The following AOPEP variants were observed in gnomAD, a reference collection of about 807,000 sequenced individuals.
AOPEP encodes the protein aminopeptidase O.
A neutral mutation model predicts 98.1 loss-of-function variants in AOPEP; 77 were observed. The ratio of observed to expected loss-of-function variants is 0.78; its 90% CI spans 0.65 to 0.95. AOPEP has a LOEUF of 0.95. AOPEP is among the 40% of genes least tolerant of loss of function. The pLI is 0.00. For synonymous variants in AOPEP, 346 were observed against 365.3 expected (o/e 0.95, Z 0.60); for missense variants, 1,024 against 1,024.7 (o/e 1.00, Z 0.01).
At chr9:95,046,147 C>A (rs117414058) in intron 13 of AOPEP, among the ~76,000 whole-genome samples, 1 of 152,186 alleles carries the variant, frequency 6.6e-6, no homozygotes. Context: ...CAAATAGTGT[C>A]GGAATCATTT....
intron 5 of AOPEP, among the ~76,000 whole-genome samples, chr9:94,842,279 T>A (rs1310206481): frequency 6.6e-6 from 1 of 152,068 alleles, no homozygotes; most frequent in African/African-American, 2.4e-5. Flanking sequence ...GGAGAATTGC[T>A]TGAACCTGGG....
At chr9:94,852,552 G>A (rs978286516) in intron 5 of AOPEP, among the ~76,000 whole-genome samples, 1 of 152,218 alleles carries the variant, frequency 6.6e-6, no homozygotes, top group Non-Finnish European at 1.5e-5. Flanking sequence ...TTGGCTGTGT[G>A]TTTACACAAG....
the AOPEP span, among the ~76,000 whole-genome samples, chr9:95,096,712 C>T: frequency 5.7e-4 from 87 of 152,316 alleles, 1 homozygote; most frequent in African/African-American, 1.9e-3. Context: ...TGAGAGCTGG[C>T]CGCTGGCTGC....
chr9:94,823,352 A>G (rs1446856580), intron 5 of AOPEP, among the ~76,000 whole-genome samples: 1 of 152,222 alleles, frequency 6.6e-6, no homozygotes, highest in Non-Finnish European at 1.5e-5. Flanking sequence ...TTTAAAGGTC[A>G]GTATACCTCT....
intron 5 of AOPEP, among the ~76,000 whole-genome samples, chr9:94,843,484 A>G (rs780978870): frequency 3.3e-5 from 5 of 152,144 alleles, no homozygotes; most frequent in African/African-American, 9.7e-5. Context: ...GCTCAGGTCT[A>G]CTGTGTCTTA....
intron 4 of AOPEP, among the ~76,000 whole-genome samples, chr9:94,797,702 C>T (rs1055981786): frequency 1.1e-4 from 16 of 141,446 alleles, no homozygotes; most frequent in Admixed American, 5.7e-4. Flanking sequence ...TTCTCTCATA[C>T]CTTTTTTTTT....
chr9:95,067,669 A>G (rs1319834432), intron 14 of AOPEP, among the ~76,000 whole-genome samples: 1 of 152,180 alleles, frequency 6.6e-6, no homozygotes, highest in Non-Finnish European at 1.5e-5. Context: ...GTGAGGGGTA[A>G]CTGTTTTTAG....
chr9:94,759,733 A>G lies in AOPEP; in HGVS notation c.-51A>G, dbSNP rs1264708195. 4 of 1,387,734 alleles carry G rather than the reference A, an allele frequency of 2.9e-6. No individual in the cohort carries two copies. In the East Asian group the frequency reaches 6.9e-5, roughly 24 times the overall value. 86.0% of individuals were successfully genotyped at this position (1,387,734 alleles called of 1,614,324 possible). A position where few individuals can be genotyped will look rare whatever the true frequency, so the allele number is the denominator to read the frequency against. Reference sequence around the variant, plus strand: ...ATGATTCTGGAAGATTAAGGCAGATAGGAAACCCCATCTGAGATTTTAATA... The same window carrying G: ...ATGATTCTGGAAGATTAAGGCAGATGGGAAACCCCATCTGAGATTTTAATA... On this transcript the variant is annotated 5_prime_UTR_variant, in exon 2 of 17. It adds an upstream start codon to the 5' untranslated region. Coordinates refer to ENST00000375315, the MANE Select transcript of AOPEP (RefSeq NM_001193329.3).
At chr9:94,960,413 A>G (rs574744458) in intron 9 of AOPEP, among the ~76,000 whole-genome samples, 3,203 of 142,956 alleles carry the variant, frequency 0.022, 49 homozygotes, top group Middle Eastern at 0.044. Flanking sequence ...CATCTCAGGG[A>G]AAAAAAAAAA....
chr9:94,928,361 G>T (rs746825710), intron 6 of AOPEP, 64 bp from the exon 7 acceptor site: 1 of 1,190,184 alleles, frequency 8.4e-7, no homozygotes, highest in Non-Finnish European at 1.2e-6. Flanking sequence ...GTGAGCCATT[G>T]CACCAGGACC....
intron 10 of AOPEP, 49 bp from the exon 11 acceptor site, chr9:94,979,318 C>A: frequency 2.4e-6 from 3 of 1,245,350 alleles, no homozygotes; most frequent in Middle Eastern, 1.9e-4. Context: ...GTGTAATAAG[C>A]GCTCTGTAAC....
intron 13 of AOPEP, among the ~76,000 whole-genome samples, chr9:95,057,642 G>T (rs916155642): frequency 6.6e-6 from 1 of 152,182 alleles, no homozygotes; most frequent in Non-Finnish European, 1.5e-5. Flanking sequence ...GTTGTAATGT[G>T]TACTTTGCGA....
chr9:94,872,894 C>G (rs1489602126), intron 5 of AOPEP, among the ~76,000 whole-genome samples: 2 of 152,266 alleles, frequency 1.3e-5, no homozygotes, highest in Non-Finnish European at 2.9e-5. Flanking sequence ...ATCCAGAGAG[C>G]TTTCTCACTC....
rs575797187 is a variant in AOPEP at position 94,976,043 on chromosome 9, T to G, written c.1917-3324T>G. ...CTTAGGAAGCCTCTCCTGATGCACC[T>G]CCTCTTGTCCTGTTTTACCTATCCC... On this transcript the variant is annotated intron_variant, in intron 10 of 16. Transcript: ENST00000375315. Among the ~76,000 whole-genome samples, 16 of 152,290 alleles carry G rather than the reference T, an allele frequency of 1.1e-4. No individual in the cohort carries two copies. In the South Asian group the frequency reaches 3.3e-3, roughly 32 times the overall value.
chr9:94,782,206 A>C (rs1843446650), intron 3 of AOPEP, among the ~76,000 whole-genome samples: 1 of 152,056 alleles, frequency 6.6e-6, no homozygotes, highest in Admixed American at 6.5e-5. Context: ...AAAAGAAACA[A>C]AAAAAGAAAA....
At chr9:94,760,907 A>G (rs1335593380) in intron 2 of AOPEP, among the ~76,000 whole-genome samples, 1 of 152,176 alleles carries the variant, frequency 6.6e-6, no homozygotes, top group Non-Finnish European at 1.5e-5. Context: ...AGTGCTGTAG[A>G]TGGGAGTGAT....
the AOPEP span, among the ~76,000 whole-genome samples, chr9:95,141,244 C>G: frequency 7.6e-6 from 1 of 130,932 alleles, no homozygotes; most frequent in East Asian, 2.5e-4. Context: ...CCTGGGAGGT[C>G]GAGGCTACAG....
At chr9:94,805,324 G>A (rs1849021630) in intron 5 of AOPEP, among the ~76,000 whole-genome samples, 1 of 152,160 alleles carries the variant, frequency 6.6e-6, no homozygotes, top group Non-Finnish European at 1.5e-5. Flanking sequence ...CCGTCCCTTT[G>A]TAGAGAAGGG....
chr9:95,101,626 G>A, the AOPEP span: 21 of 1,567,374 alleles, frequency 1.3e-5, no homozygotes, highest in African/African-American at 5.4e-5. Flanking sequence ...CCACAAATGC[G>A]TGGCCACAGG....
Sources: allele counts gnomAD v4.1 joint callset (sites outside exome capture counted in the v4.1 genomes callset), GRCh38; gene constraint gnomAD v4.1.1; transcripts MANE v1.5; gene names NCBI Gene and HGNC (gene_info 2026-07-23, HGNC 2026-07-21).